OR2J3: variants seen among roughly 807,000 people sequenced by gnomAD.
OR2J3 encodes the protein olfactory receptor 2J3.
A neutral mutation model predicts 18.5 loss-of-function variants in OR2J3; 13 were observed. That is an observed-to-expected ratio of 0.70 (90% confidence interval 0.46 to 1.12). The LOEUF (loss-of-function observed/expected upper bound fraction) is 1.12, where lower values mean the gene tolerates loss of function less well. Ranked by LOEUF, OR2J3 falls within the 50% of genes most tolerant of loss-of-function variation. The pLI, the probability that OR2J3 is intolerant of heterozygous loss-of-function variation, is 0.00. For synonymous variants in OR2J3, 142 were observed against 140.6 expected, an observed-to-expected ratio of 1.01 and a Z score of -0.07; for missense variants, 321 against 371.6, an observed-to-expected ratio of 0.86 and a Z score of 1.12.
chr6:29,114,297 G>C lies in OR2J3; in HGVS notation c.*1471G>C, dbSNP rs1328737839. On this transcript the variant is annotated 3_prime_UTR_variant, in exon 4 of 4. Transcript: ENST00000641151. ...GTAAAATGACTTTTAGCAAGAATTG[G>C]GACCACATACGGTAAAACATCACAT... 2.0e-5 allele frequency: 3 copies of C among 151,978 alleles called. No individual in the cohort carries two copies. Among genetic ancestry groups the C allele is most frequent in the Non-Finnish European group, 2.9e-5 (2 of 67,990 alleles). 9.4% of individuals were successfully genotyped at this position (151,978 alleles called of 1,614,324 possible).
In OR2J3 at chr6:29,112,139, G is replaced by A. The variant is rs750122593; in HGVS notation, c.249G>A (p.Gln83=). Reference sequence around the variant, plus strand: ...GCTACACCACCAGCTCTATCCCTCAGTTGCTGGTCAATCTCTGGGGCCCGG... The same window carrying A: ...GCTACACCACCAGCTCTATCCCTCAATTGCTGGTCAATCTCTGGGGCCCGG... ...DLCYTTSSIP[Q]LLVNLWGPEK... Residue 83 remains glutamine, a synonymous_variant, in exon 4 of 4, where the codon CAG becomes CAA. Coordinates refer to ENST00000641151, the MANE Select transcript of OR2J3 (RefSeq NM_001005216.4). The A allele has an allele frequency of 1.2e-6, 2 of 1,613,878 alleles. No homozygotes were observed. The highest frequency in any genetic ancestry group is 2.7e-5 in the African/African-American group (2 of 74,848).
rs267600933 is a variant in OR2J3 at position 29,112,433 on chromosome 6, C to T, written c.543C>T (p.Phe181=). The change falls in exon 4 of 4, where the codon TTC becomes TTT. Residue 181 remains phenylalanine, a synonymous_variant. Coordinates refer to ENST00000641151, the MANE Select transcript of OR2J3 (RefSeq NM_001005216.4). ...GACACCGCCAAGTAGATCACTTTTT[C>T]TGTGAAGTTCCAGCACTTCTGCGAT... ...LCGHRQVDHF[F]CEVPALLRLS... The T allele has an allele frequency of 6.2e-7, 1 of 1,614,146 alleles. No homozygotes were observed.
Position 29,111,900 on chromosome 6 carries a change from G to A in OR2J3, c.10G>A (p.Asp4Asn). The change falls in exon 4 of 4, where the codon GAT becomes AAT. Residue 4 changes from aspartate (D) to asparagine (N), a missense_variant. Coordinates refer to ENST00000641151, the MANE Select transcript of OR2J3 (RefSeq NM_001005216.4). MND[D>N]GKVNASSEGY... is the part of the protein sequence containing the mutation. Reference sequence around the variant, plus strand: ...TCTCAGGTAATAGGAAATGAATGATGATGGAAAAGTCAATGCTAGCTCTGA... The same window carrying A: ...TCTCAGGTAATAGGAAATGAATGATAATGGAAAAGTCAATGCTAGCTCTGA... 6.2e-7 allele frequency: 1 copy of A among 1,607,908 alleles called. No homozygotes were observed. The highest frequency in any genetic ancestry group is 8.5e-7 in the Non-Finnish European group (1 of 1,177,374).
chr6:29,112,160 C>A lies in OR2J3; in HGVS notation c.270C>A (p.Gly90=). 1 of 1,614,122 alleles carries A rather than the reference C, an allele frequency of 6.2e-7. No individual in the cohort carries two copies. The highest frequency in any genetic ancestry group is 8.5e-7 in the Non-Finnish European group (1 of 1,180,012). Residue 90 remains glycine (G), a synonymous_variant, in exon 4 of 4, where the codon GGC becomes GGA. Coordinates refer to ENST00000641151, the MANE Select transcript of OR2J3 (RefSeq NM_001005216.4). ...SIPQLLVNLW[G]PEKTISYAGC... is the part of the protein sequence containing the mutation. ...CTCAGTTGCTGGTCAATCTCTGGGG[C>A]CCGGAAAAGACCATCTCTTATGCTG...
intron 3 of OR2J3, among the ~76,000 whole-genome samples, chr6:29,110,344 C>T (rs1344992371): frequency 6.6e-6 from 1 of 152,160 alleles, no homozygotes; most frequent in Non-Finnish European, 1.5e-5. Flanking sequence ...AGATTCTTAT[C>T]TAATTGAAGC....
In OR2J3 at chr6:29,112,635, A is replaced by G. The variant is rs1160428988; in HGVS notation, c.745A>G (p.Met249Val). 1.2e-6 allele frequency: 2 copies of G among 1,613,940 alleles called. No individual in the cohort carries two copies. Among genetic ancestry groups the G allele is most frequent in the Non-Finnish European group, 1.7e-6 (2 of 1,179,998 alleles). The change falls in exon 4 of 4, where the codon ATG becomes GTG. Residue 249 changes from methionine (M) to valine (V), a missense_variant. By Grantham distance (21) the Met-to-Val change is conservative (BLOSUM62 1). Coordinates refer to ENST00000641151, the MANE Select transcript of OR2J3 (RefSeq NM_001005216.4). ...KVFGTCGAHL[M>V]AVSLFFIPAM... ...GTTTGGAACATGTGGAGCTCATCTT[A>G]TGGCTGTATCTCTCTTTTTCATTCC... is the stretch of plus-strand genomic sequence containing the variant.
rs771913224 is a variant in OR2J3, at chr6:29,112,130, T to C, written c.240T>C (p.Ser80=). 20 of 1,614,146 alleles carry C rather than the reference T, an allele frequency of 1.2e-5. No homozygotes were observed. The highest frequency in any genetic ancestry group is 1.4e-5 in the Non-Finnish European group (17 of 1,180,036). ...SFLDLCYTTS[S]IPQLLVNLWG... ...TGGATCTCTGCTACACCACCAGCTCTATCCCTCAGTTGCTGGTCAATCTCT... is the reference window on the plus strand; with the variant it reads ...TGGATCTCTGCTACACCACCAGCTCCATCCCTCAGTTGCTGGTCAATCTCT... The change falls in exon 4 of 4, where the codon TCT becomes TCC. Residue 80 remains serine, a synonymous_variant. Coordinates refer to ENST00000641151, the MANE Select transcript of OR2J3 (RefSeq NM_001005216.4).
chr6:29,112,244 G>A lies in OR2J3; in HGVS notation c.354G>A (p.Leu118=). Residue 118 remains leucine, a synonymous_variant, in exon 4 of 4, where the codon CTG becomes CTA. Coordinates refer to ENST00000641151, the MANE Select transcript of OR2J3 (RefSeq NM_001005216.4). ...TGGGAACCACAGAGTGTGTCCTACT[G>A]GTGGTGATGTCCTATGACCGTTATG... is the stretch of plus-strand genomic sequence containing the variant. The part of the protein sequence containing the change: ...LALGTTECVL[L]VVMSYDRYAA... The A allele has an allele frequency of 6.2e-7, 1 of 1,614,112 alleles. No homozygotes were observed. The highest frequency in any genetic ancestry group is 1.1e-5 in the South Asian group (1 of 91,074).
At chr6:29,111,623 T>C in intron 3 of OR2J3, 1 of 401,722 alleles carries the variant, frequency 2.5e-6, no homozygotes, top group Non-Finnish European at 4.4e-6. Context: ...ACCCCTTCTA[T>C]ATTTGTTAAT....
chr6:29,112,654 T>A lies in OR2J3; in HGVS notation c.764T>A (p.Phe255Tyr). ...GAHLMAVSLFFIPAMCMYLQP... is the reference protein window; with the variant it reads ...GAHLMAVSLFYIPAMCMYLQP... ...CATCTTATGGCTGTATCTCTCTTTT[T>A]CATTCCGGCCATGTGCATGTATCTC... Residue 255 changes from phenylalanine (F) to tyrosine (Y), a missense_variant, in exon 4 of 4, where the codon TTC (phenylalanine) becomes TAC (tyrosine). By Grantham distance (22) the Phe-to-Tyr change is conservative. Transcript: ENST00000641151. 6.2e-7 allele frequency: 1 copy of A among 1,614,130 alleles called. No homozygotes were observed. The highest frequency in any genetic ancestry group is 8.5e-7 in the Non-Finnish European group (1 of 1,180,026).
intron 3 of OR2J3, 148 bp from the exon 4 acceptor site, chr6:29,111,733 A>T: frequency 1.5e-6 from 1 of 649,348 alleles, no homozygotes; most frequent in Non-Finnish European, 2.6e-6. Context: ...CTTTTGTTAA[A>T]TTCATTACTA....
At chr6:29,109,845 G>A (rs1176795106) in intron 3 of OR2J3, among the ~76,000 whole-genome samples, 1 of 152,122 alleles carries the variant, frequency 6.6e-6, no homozygotes, top group Non-Finnish European at 1.5e-5. Context: ...ATGATGAACA[G>A]CCACTTAATG....
At chr6:29,109,036 A>T (rs1465948444) in intron 3 of OR2J3, among the ~76,000 whole-genome samples, 161 bp downstream of exon 3, 1 of 152,186 alleles carries the variant, frequency 6.6e-6, no homozygotes, top group Non-Finnish European at 1.5e-5. Context: ...AGAAAGAAGA[A>T]AATTTTATCT....
intron 3 of OR2J3, among the ~76,000 whole-genome samples, chr6:29,110,885 A>G (rs906292153): frequency 3.5e-5 from 5 of 144,794 alleles, no homozygotes; most frequent in African/African-American, 1.4e-4. Context: ...CTATCTATCT[A>G]TCTATCTATC....
rs765067764 is a variant in OR2J3, at chr6:29,112,162, C to A, written c.272C>A (p.Pro91Gln). The A allele has an allele frequency of 3.7e-6, 6 of 1,613,954 alleles. No homozygotes were observed. The African/African-American group carries it at 5.3e-5, about 14-fold the overall frequency. The change falls in exon 4 of 4, where the codon CCG (proline) becomes CAG (glutamine). Residue 91 changes from proline (P) to glutamine (Q), a missense_variant. Pro to Gln is a moderately conservative substitution (Grantham distance 76, BLOSUM62 -1). Coordinates refer to ENST00000641151, the MANE Select transcript of OR2J3 (RefSeq NM_001005216.4). ...CAGTTGCTGGTCAATCTCTGGGGCC[C>A]GGAAAAGACCATCTCTTATGCTGGT... ...IPQLLVNLWGPEKTISYAGCM... is the reference protein window; with the variant it reads ...IPQLLVNLWGQEKTISYAGCM...
intron 3 of OR2J3, among the ~76,000 whole-genome samples, chr6:29,110,206 G>T (rs1762073919): frequency 6.6e-6 from 1 of 152,102 alleles, no homozygotes; most frequent in African/African-American, 2.4e-5. Context: ...GTTCTCCCCA[G>T]ATTTTTAGCT....
At chr6:29,111,788 A>C in intron 3 of OR2J3, 93 bp from the exon 4 acceptor site, 1 of 1,209,568 alleles carries the variant, frequency 8.3e-7, no homozygotes, top group Non-Finnish European at 1.2e-6. Flanking sequence ...CAAGCCCTTC[A>C]AACTGGCTTT....
At chr6:29,110,991 G>T (rs575256425) in intron 3 of OR2J3, among the ~76,000 whole-genome samples, 1 of 152,052 alleles carries the variant, frequency 6.6e-6, no homozygotes, top group African/African-American at 2.4e-5. Context: ...TTTGTCTAAG[G>T]AAAAGGATGT....
chr6:29,109,753 C>G (rs1762058324), intron 3 of OR2J3: 1 of 151,966 alleles, frequency 6.6e-6, no homozygotes, highest in South Asian at 2.1e-4. Flanking sequence ...AAAGCATCAC[C>G]TAGGAGTCAT....
Sources: gnomAD v4.1 joint callset for allele counts (sites outside exome capture counted in the v4.1 genomes callset) on GRCh38, gnomAD v4.1.1 for gene constraint, MANE v1.5 for transcripts, NCBI Gene and HGNC (gene_info 2026-07-23, HGNC 2026-07-21) for gene names.